Variants in MOB1B observed in about 807,000 individuals in gnomAD.
MOB1B encodes MOB1 Mps One Binder homolog B.
A neutral mutation model predicts 24.4 loss-of-function variants in MOB1B; 19 were observed. The ratio of observed to expected loss-of-function variants is 0.78; its 90% confidence interval spans 0.54 to 1.14. The LOEUF (loss-of-function observed/expected upper bound fraction) is 1.14, where lower values mean the gene tolerates loss of function less well. MOB1B is among the 50% of genes most tolerant of loss of function. MOB1B has a pLI of 0.00. For missense variants in MOB1B, 243 were observed against 259.6 expected, an observed-to-expected ratio of 0.94 and a Z score of 0.44; for synonymous variants, 76 against 82.1, an observed-to-expected ratio of 0.93 and a Z score of 0.40.
intron 2 of MOB1B, among the ~76,000 whole-genome samples, chr4:70,968,973 T>C (rs1190396564): frequency 2.0e-5 from 3 of 152,184 alleles, no homozygotes; most frequent in Non-Finnish European, 4.4e-5. Flanking sequence ...GAAATATTTA[T>C]GAAAAGATTG....
intron 1 of MOB1B, 40 bp downstream of exon 1, chr4:70,902,590 T>G: frequency 6.5e-7 from 1 of 1,533,660 alleles, no homozygotes; most frequent in African/African-American, 1.4e-5. Flanking sequence ...TTTGTTCGGG[T>G]GGACCTGGGC....
chr4:70,953,592 CAAAAT>C (rs1737899583), intron 1 of MOB1B, among the ~76,000 whole-genome samples: 2 of 152,016 alleles, frequency 1.3e-5, no homozygotes, highest in Admixed American at 6.6e-5. Context: ...TCTCAAAAAA[CAAAAT>C]AAAAAAATTG....
At chr4:70,905,124 C>T (rs1442633853) in intron 1 of MOB1B, among the ~76,000 whole-genome samples, 5 of 152,092 alleles carry the variant, frequency 3.3e-5, no homozygotes, top group Non-Finnish European at 4.4e-5. Flanking sequence ...CTTTGTCTAC[C>T]GTCAATTAAA....
chr4:70,912,513 G>A (rs900950291), intron 1 of MOB1B, among the ~76,000 whole-genome samples: 4 of 151,462 alleles, frequency 2.6e-5, no homozygotes, highest in African/African-American at 9.7e-5. Context: ...TTTGTCTTCA[G>A]GTGATCCACC....
intron 4 of MOB1B, chr4:70,976,727 AAG>A (rs1384656418): frequency 2.7e-6 from 2 of 740,882 alleles, no homozygotes; most frequent in African/African-American, 2.0e-5. Flanking sequence ...TTTTTAATAA[AAG>A]AGCAATTTTT....
At chr4:70,950,425 A>G (rs1178713367) in intron 1 of MOB1B, among the ~76,000 whole-genome samples, 1 of 124,722 alleles carries the variant, frequency 8.0e-6, no homozygotes, top group Non-Finnish European at 1.6e-5. Context: ...AAGTCTCTGT[A>G]TCAAAAAAAA....
chr4:70,949,420 A>G (rs1388845125), intron 1 of MOB1B, among the ~76,000 whole-genome samples: 1 of 152,166 alleles, frequency 6.6e-6, no homozygotes, highest in Non-Finnish European at 1.5e-5. Context: ...TATTTCTAGA[A>G]CACATTCTAT....
intron 1 of MOB1B, among the ~76,000 whole-genome samples, chr4:70,932,758 A>G (rs1418086125): frequency 2.0e-5 from 3 of 152,170 alleles, no homozygotes; most frequent in Non-Finnish European, 4.4e-5. Flanking sequence ...GGCCATTGGT[A>G]TATCACATTG....
intron 1 of MOB1B, among the ~76,000 whole-genome samples, chr4:70,908,088 C>T (rs1374683534): frequency 6.6e-5 from 10 of 150,784 alleles, no homozygotes; most frequent in South Asian, 2.1e-4. Flanking sequence ...TCCAGTGGCG[C>T]GATCTCGGCT....
chr4:70,940,362 G>A (rs1737278735), intron 1 of MOB1B, among the ~76,000 whole-genome samples: 1 of 152,204 alleles, frequency 6.6e-6, no homozygotes, highest in Non-Finnish European at 1.5e-5. Flanking sequence ...GGTGGAGGTT[G>A]CAGTGAGCTA....
At chr4:70,940,522 G>A (rs775706168) in intron 1 of MOB1B, among the ~76,000 whole-genome samples, 2 of 152,098 alleles carry the variant, frequency 1.3e-5, no homozygotes, top group Non-Finnish European at 2.9e-5. Context: ...TGACTTGCCC[G>A]TATTAGGTAT....
chr4:70,971,058 T>C (rs1738733679), intron 3 of MOB1B, among the ~76,000 whole-genome samples: 1 of 152,246 alleles, frequency 6.6e-6, no homozygotes, highest in Non-Finnish European at 1.5e-5. Context: ...ACTGTTTACT[T>C]TGGAGAAACG....
intron 2 of MOB1B, among the ~76,000 whole-genome samples, chr4:70,962,484 C>T (rs548727776): frequency 6.6e-6 from 1 of 152,060 alleles, no homozygotes; most frequent in Non-Finnish European, 1.5e-5. Flanking sequence ...AACACTGGGA[C>T]ATCCAGATGC....
At chr4:70,957,735 C>T (rs1170830236) in intron 1 of MOB1B, among the ~76,000 whole-genome samples, 1 of 151,082 alleles carries the variant, frequency 6.6e-6, no homozygotes. Context: ...TAAGTCACCA[C>T]ACTCAGCTCC....
intron 1 of MOB1B, among the ~76,000 whole-genome samples, chr4:70,944,649 A>G (rs1246913490): frequency 6.6e-6 from 1 of 152,180 alleles, no homozygotes; most frequent in Non-Finnish European, 1.5e-5. Flanking sequence ...GCATCGTGGC[A>G]TCAGCTTCTG....
intron 2 of MOB1B, among the ~76,000 whole-genome samples, chr4:70,965,684 C>G (rs1578394780): frequency 1.3e-5 from 2 of 149,984 alleles, no homozygotes; most frequent in South Asian, 4.2e-4. Context: ...GCAGTCCCAG[C>G]TACTTGGGAG....
At chr4:70,924,166 T>G (rs945865720) in intron 1 of MOB1B, among the ~76,000 whole-genome samples, 2 of 152,184 alleles carry the variant, frequency 1.3e-5, no homozygotes, top group Non-Finnish European at 2.9e-5. Context: ...TGGAGCTCTG[T>G]AGTGTTAGAT....
rs1321513869 is a variant in MOB1B, at chr4:70,902,492, C to G, written c.-45C>G. The G allele has an allele frequency of 1.9e-6, 3 of 1,551,628 alleles. No individual in the cohort carries two copies. Among genetic ancestry groups the G allele is most frequent in the Non-Finnish European group, 2.6e-6 (3 of 1,147,354 alleles). On this transcript the variant is annotated 5_prime_UTR_variant, in exon 1 of 6. Coordinates refer to ENST00000309395, the MANE Select transcript of MOB1B (RefSeq NM_173468.4). ...TCTTCTTTCCTGGCCCACGCCGCTC[C>G]GAGGCCTCGCGACCGCCGAGCCTGC...
chr4:70,973,387 T>C (rs1738845621), intron 3 of MOB1B, among the ~76,000 whole-genome samples: 1 of 151,016 alleles, frequency 6.6e-6, no homozygotes, highest in South Asian at 2.1e-4. Context: ...GGAGGATTGC[T>C]TGCGCCCAGG....
Sources: allele counts gnomAD v4.1 joint callset (sites outside exome capture counted in the v4.1 genomes callset), GRCh38; gene constraint gnomAD v4.1.1; transcripts MANE v1.5; gene names NCBI Gene and HGNC (gene_info 2026-07-23, HGNC 2026-07-21).